The following RTN4 variants were observed in gnomAD, a reference collection of about 807,000 sequenced individuals.
RTN4 encodes the protein reticulon 4.
In RTN4, 32 loss-of-function variants were observed where a neutral mutation model predicts 90.4. The ratio of observed to expected loss-of-function variants is 0.35; its 90% CI spans 0.27 to 0.48. The LOEUF (loss-of-function observed/expected upper bound fraction) is 0.48. Ranked by LOEUF, RTN4 falls within the 20% of genes least tolerant of loss-of-function variation. RTN4 has a pLI of 0.99. For missense variants in RTN4, 1,706 were observed against 1,430.2 expected (o/e 1.19, Z -3.11); for synonymous variants, 629 against 552.5 (o/e 1.14, Z -1.94).
chr2:55,069,703 G>C (rs1449414318), intron 2 of RTN4, among the ~76,000 whole-genome samples: 1 of 152,176 alleles, frequency 6.6e-6, no homozygotes, highest in Non-Finnish European at 1.5e-5. Flanking sequence ...CTCCCAGAGA[G>C]GCCCAACCGA....
At chr2:55,041,512 G>C (rs547054986) in intron 1 of RTN4, among the ~76,000 whole-genome samples, 1 of 152,152 alleles carries the variant, frequency 6.6e-6, no homozygotes, top group Admixed American at 6.5e-5. Flanking sequence ...TGATACTTCT[G>C]TGTGAACTGA....
intron 1 of RTN4, among the ~76,000 whole-genome samples, chr2:55,035,678 A>C (rs1682626907): frequency 6.6e-6 from 1 of 152,160 alleles, no homozygotes; most frequent in East Asian, 1.9e-4. Context: ...GATCAACAGA[A>C]TTGATAATCA....
chr2:55,078,796 G>A (rs1668650441), intron 2 of RTN4, among the ~76,000 whole-genome samples: 1 of 152,180 alleles, frequency 6.6e-6, no homozygotes, highest in Non-Finnish European at 1.5e-5. Context: ...GAAATTTGAG[G>A]TTACTAAGAG....
intron 2 of RTN4, among the ~76,000 whole-genome samples, chr2:55,073,941 C>T (rs1668557313): frequency 6.6e-6 from 1 of 152,214 alleles, no homozygotes; most frequent in Admixed American, 6.5e-5. Flanking sequence ...TCAGGACCAC[C>T]TGCCCCAGTT....
At chr2:55,002,842 C>A (rs1007835814) in intron 3 of RTN4, among the ~76,000 whole-genome samples, 1 of 152,142 alleles carries the variant, frequency 6.6e-6, no homozygotes, top group African/African-American at 2.4e-5. Flanking sequence ...GTCTGTATTT[C>A]TGATACATGT....
At chr2:55,019,604 G>A (rs1014373153) in intron 3 of RTN4, among the ~76,000 whole-genome samples, 1 of 152,058 alleles carries the variant, frequency 6.6e-6, no homozygotes, top group African/African-American at 2.4e-5. Flanking sequence ...AGGAAACATC[G>A]GACAAATCCA....
chr2:55,057,276 T>G lies in RTN4; in HGVS notation c.-63+23213A>C, dbSNP rs192271506. The stretch of plus-strand genomic sequence containing the variant: ...TGGGTCTGATATGATGTATGCGGAT[T>G]TTTTGGAGGAGCTGAGAAATGACCT... On this transcript the variant is annotated intron_variant, in intron 2 of 3. Coordinates refer to the RTN4 transcript ENST00000427710. 3.9e-5 allele frequency among the ~76,000 whole-genome samples: 6 copies of G among 152,340 alleles called. No homozygotes were observed. In the East Asian group the frequency reaches 1.2e-3, roughly 29 times the overall value.
chr2:55,125,210 A>G, the RTN4 span, among the ~76,000 whole-genome samples: 2 of 152,230 alleles, frequency 1.3e-5, no homozygotes, highest in South Asian at 2.1e-4. Flanking sequence ...CAAAAATTTC[A>G]TGAGAAAGAC....
At chr2:55,057,657 A>C (rs548151458) in intron 2 of RTN4, among the ~76,000 whole-genome samples, 68 of 152,298 alleles carry the variant, frequency 4.5e-4, no homozygotes, top group African/African-American at 1.5e-3. Flanking sequence ...ACATGTGAAG[A>C]ATGCGTTTGA....
At chr2:55,115,420 T>C (rs1668105918), upstream of RTN4, among the ~76,000 whole-genome samples, 1 of 152,210 alleles carries the variant, frequency 6.6e-6, no homozygotes, top group East Asian at 1.9e-4. Context: ...CATTCTCTTA[T>C]AAGAACTTCC....
At chr2:55,110,099 A>G (rs933866734) in intron 1 of RTN4, among the ~76,000 whole-genome samples, 13 of 152,132 alleles carry the variant, frequency 8.5e-5, no homozygotes, top group African/African-American at 3.1e-4. Flanking sequence ...GCTTGAGCCC[A>G]GGAGTTCGAG....
chr2:54,973,696 G>C (rs1677345878), intron 7 of RTN4, 75 bp from the exon 8 acceptor site: 2 of 1,501,110 alleles, frequency 1.3e-6, no homozygotes, highest in Non-Finnish European at 1.9e-6. Flanking sequence ...TCAAGCTAAA[G>C]GCTTAAGAAA....
At chr2:55,012,969 TC>T (rs1680753858) in intron 3 of RTN4, among the ~76,000 whole-genome samples, 1 of 152,174 alleles carries the variant, frequency 6.6e-6, no homozygotes, top group African/African-American at 2.4e-5. Context: ...TTGTTTTCCT[TC>T]AACTACCTAA....
At chr2:55,122,275 G>A in the RTN4 span, among the ~76,000 whole-genome samples, 5 of 152,112 alleles carry the variant, frequency 3.3e-5, no homozygotes, top group South Asian at 2.1e-4. Context: ...CACTGCACCC[G>A]GCCTTGGGTT....
chr2:55,107,752 GACAA>G (rs1175012301), intron 1 of RTN4, among the ~76,000 whole-genome samples: 1 of 152,026 alleles, frequency 6.6e-6, no homozygotes, highest in African/African-American at 2.4e-5. Context: ...CCACTCCCCA[GACAA>G]ACAGAGATCC....
At position 55,025,515 on chromosome 2, in the gene RTN4, A is replaced by C. The variant is rs139555612; in HGVS notation, c.2584T>G (p.Ser862Ala). The C allele has an allele frequency of 6.2e-7, 1 of 1,613,724 alleles. No homozygotes were observed. Among genetic ancestry groups the C allele is most frequent in the Non-Finnish European group, 8.5e-7 (1 of 1,179,786 alleles). The stretch of plus-strand genomic sequence containing the variant: ...TCATCTATAATTTCAATTGGAGATG[A>C]ATCTGAAAACGTTTCAGTTTCTCTT... ...QIRETETFSD[S>A]SPIEIIDEFP... is the part of the protein sequence containing the mutation. The change falls in exon 3 of 9, where the codon TCA (serine) becomes GCA (alanine). Residue 862 changes from serine to alanine, a missense_variant. By Grantham distance (99) the Ser-to-Ala change is moderately conservative. Transcript: ENST00000337526.
rs149825421 is a variant in RTN4 at position 55,026,797 on chromosome 2, G to A, written c.1302C>T (p.His434=). The A allele has an allele frequency of 1.3e-4, 213 of 1,613,804 alleles. 2 individuals carry two copies. In the South Asian group the frequency reaches 1.9e-3, roughly 14 times the overall value. Residue 434 remains histidine, a synonymous_variant, in exon 3 of 9, where the codon CAC becomes CAT. Transcript: ENST00000337526. ...CFADSLEQTN[H]EKDSESSNDD... ...CATTACTACTCTCACTATCTTTTTC[G>A]TGATTAGTTTGCTCAAGGCTATCTG...
At chr2:55,129,509 G>A in the RTN4 span, among the ~76,000 whole-genome samples, 1 of 152,092 alleles carries the variant, frequency 6.6e-6, no homozygotes, top group Non-Finnish European at 1.5e-5. Context: ...GAGCCTAAGA[G>A]TTTCAACGTT....
At chr2:55,019,535 G>A (rs946262165) in intron 3 of RTN4, among the ~76,000 whole-genome samples, 1 of 152,158 alleles carries the variant, frequency 6.6e-6, no homozygotes, top group African/African-American at 2.4e-5. Context: ...TGCTATGAGA[G>A]GGACACATCA....
Sources: gnomAD v4.1 joint callset for allele counts (sites outside exome capture counted in the v4.1 genomes callset) on GRCh38, gnomAD v4.1.1 for gene constraint, MANE v1.5 for transcripts, NCBI Gene and HGNC (gene_info 2026-07-23, HGNC 2026-07-21) for gene names.